The following SHC4 variants were observed in gnomAD, a reference collection of about 807,000 sequenced individuals.
SHC4 encodes SHC-transforming protein 4.
In SHC4, 41 loss-of-function variants were observed where a neutral mutation model predicts 69.4. That is an observed-to-expected ratio of 0.59 (90% CI 0.46 to 0.77). SHC4 has a LOEUF of 0.77. Ranked by LOEUF, SHC4 falls within the 30% of genes least tolerant of loss-of-function variation. SHC4 has a pLI of 0.00. For missense variants in SHC4, 777 were observed against 783.8 expected, an observed-to-expected ratio of 0.99 and a Z score of 0.10; for synonymous variants, 318 against 299.3, an observed-to-expected ratio of 1.06 and a Z score of -0.64.
At chr15:48,920,145 G>T (rs1480852061) in intron 2 of SHC4, among the ~76,000 whole-genome samples, 3 of 151,702 alleles carry the variant, frequency 2.0e-5, no homozygotes, top group Non-Finnish European at 4.4e-5. Flanking sequence ...CTCCTGAGTA[G>T]CTGGGACTAC....
intron 4 of SHC4, among the ~76,000 whole-genome samples, chr15:48,880,356 T>A (rs1232922878): frequency 6.6e-6 from 1 of 152,192 alleles, no homozygotes; most frequent in Non-Finnish European, 1.5e-5. Context: ...CTTCCACTGC[T>A]TTCTCAATTA....
chr15:48,828,159 C>G (rs1386896098), intron 11 of SHC4, among the ~76,000 whole-genome samples: 1 of 151,302 alleles, frequency 6.6e-6, no homozygotes, highest in Non-Finnish European at 1.5e-5. Flanking sequence ...ACAGTTAATA[C>G]TGTACTATAC....
At position 48,962,417 on chromosome 15, in the gene SHC4, GA is replaced by G; in HGVS notation, c.585+13del. Reference sequence around the variant, plus strand: ...ACGGAAGTTCTTAGAGGGCAGAGAGGAAAATGGACTTACCCTCACACAGTAG... The same window carrying G: ...ACGGAAGTTCTTAGAGGGCAGAGAGGAAATGGACTTACCCTCACACAGTAG... On this transcript the variant is annotated intron_variant, in intron 1 of 11. Coordinates refer to ENST00000332408, the MANE Select transcript of SHC4 (RefSeq NM_203349.4). The G allele has an allele frequency of 6.6e-7, 1 of 1,513,306 alleles. No homozygotes were observed. Among genetic ancestry groups the G allele is most frequent in the Non-Finnish European group, 8.8e-7 (1 of 1,131,168 alleles). The allele number at this position is 1,513,306 out of a possible 1,614,324, so 93.7% of individuals were successfully genotyped here.
chr15:48,883,658 C>T (rs1030504007), intron 4 of SHC4, among the ~76,000 whole-genome samples: 2 of 152,192 alleles, frequency 1.3e-5, no homozygotes, highest in African/African-American at 4.8e-5. Context: ...TCTACATTTG[C>T]TTCAGCAATG....
chr15:48,888,953 A>G (rs1453675923), intron 3 of SHC4, among the ~76,000 whole-genome samples: 2 of 151,396 alleles, frequency 1.3e-5, no homozygotes. Context: ...AATAAAGTGG[A>G]GAGAAAAGAA....
intron 1 of SHC4, among the ~76,000 whole-genome samples, chr15:48,953,420 A>T (rs1247819048): frequency 1.3e-5 from 2 of 152,192 alleles, no homozygotes; most frequent in Non-Finnish European, 2.9e-5. Context: ...AAAAGTTAAA[A>T]AAAAACAAAC....
chr15:48,868,784 T>G (rs1013402405), intron 5 of SHC4, among the ~76,000 whole-genome samples: 30 of 152,192 alleles, frequency 2.0e-4, no homozygotes, highest in African/African-American at 6.5e-4. Context: ...TCAGCATAAC[T>G]CGTCTTGGGC....
At chr15:48,938,293 T>C (rs945622999) in intron 1 of SHC4, 3 of 152,304 alleles carry the variant, frequency 2.0e-5, no homozygotes, top group Non-Finnish European at 4.4e-5. Context: ...AGAAGAAGCC[T>C]TAACAATGCA....
Position 48,824,774 on chromosome 15 carries a change from A to G in SHC4, c.*1197T>C, listed in dbSNP as rs567933022. 6.5e-6 allele frequency: 1 copy of G among 152,766 alleles called. No homozygotes were observed. Among genetic ancestry groups the G allele is most frequent in the Admixed American group, 6.5e-5 (1 of 15,294 alleles). The allele number at this position is 152,766 out of a possible 1,614,324, so 9.5% of individuals were successfully genotyped here. ...AGCCCATTTAGCTCATTTTATTGCC[A>G]AGGAAACTGGAACCCAAACAGATTC... On this transcript the variant is annotated 3_prime_UTR_variant, in exon 12 of 12. Transcript: ENST00000332408.
intron 1 of SHC4, among the ~76,000 whole-genome samples, chr15:48,942,292 C>T (rs1901189805): frequency 6.6e-6 from 1 of 152,136 alleles, no homozygotes; most frequent in African/African-American, 2.4e-5. Flanking sequence ...CCCCGCAGTA[C>T]AAAGCTCTAA....
intron 1 of SHC4, among the ~76,000 whole-genome samples, chr15:48,962,194 ATG>A (rs1193055269): frequency 6.6e-6 from 1 of 152,162 alleles, no homozygotes; most frequent in African/African-American, 2.4e-5. Context: ...CCACAAGTTC[ATG>A]TCCTACAAGT....
chr15:48,861,404 C>T (rs143738050), intron 6 of SHC4, among the ~76,000 whole-genome samples: 1 of 152,344 alleles, frequency 6.6e-6, no homozygotes, highest in East Asian at 1.9e-4. Context: ...TGTACTTTCA[C>T]AGTTCCATTG....
chr15:48,850,681 G>C (rs1899192338), intron 9 of SHC4, among the ~76,000 whole-genome samples: 1 of 152,204 alleles, frequency 6.6e-6, no homozygotes, highest in Non-Finnish European at 1.5e-5. Flanking sequence ...CAACATCAAT[G>C]ATCACATGCA....
chr15:48,870,355 C>T (rs1167609110), intron 5 of SHC4, among the ~76,000 whole-genome samples: 1 of 152,136 alleles, frequency 6.6e-6, no homozygotes, highest in African/African-American at 2.4e-5. Flanking sequence ...GCACCAGACA[C>T]CTTGTATGTC....
At chr15:48,914,079 T>G (rs957052480) in intron 2 of SHC4, among the ~76,000 whole-genome samples, 4 of 152,254 alleles carry the variant, frequency 2.6e-5, no homozygotes, top group Non-Finnish European at 5.9e-5. Context: ...CAGGCTGGTC[T>G]CACACTCCTG....
chr15:48,955,984 C>A (rs1901446950), intron 1 of SHC4, among the ~76,000 whole-genome samples: 1 of 152,114 alleles, frequency 6.6e-6, no homozygotes, highest in Non-Finnish European at 1.5e-5. Context: ...AAGACTCTTG[C>A]AGTTAAGGCT....
In SHC4 at chr15:48,866,431, C is replaced by T. The variant is rs536716542; in HGVS notation, c.946+1387G>A. 3.3e-5 allele frequency among the ~76,000 whole-genome samples: 5 copies of T among 152,320 alleles called. No individual in the cohort carries two copies. The East Asian group carries it at 5.8e-4, about 18-fold the overall frequency. ...GCAAACATTTGCTGAGGATCTACTA[C>T]GTGCCAGGCTCTGTGCCAGCAGCTG... On this transcript the variant is annotated intron_variant, in intron 6 of 11. Transcript: ENST00000332408.
At chr15:48,845,063 T>C (rs1170737948) in intron 9 of SHC4, among the ~76,000 whole-genome samples, 9 of 152,210 alleles carry the variant, frequency 5.9e-5, no homozygotes. Context: ...GTGCTAGCCA[T>C]ATAGCTAGCC....
At chr15:48,946,054 C>G (rs1901271215) in intron 1 of SHC4, 1 of 152,134 alleles carries the variant, frequency 6.6e-6, no homozygotes. Flanking sequence ...AAGGGAGAAG[C>G]TTCAATTATC....
Sources: gnomAD v4.1 joint callset for allele counts (sites outside exome capture counted in the v4.1 genomes callset) on GRCh38, gnomAD v4.1.1 for gene constraint, MANE v1.5 for transcripts, NCBI Gene and HGNC (gene_info 2026-07-23, HGNC 2026-07-21) for gene names.